Variants in RBFOX1 observed in about 807,000 individuals in gnomAD.
RBFOX1 encodes the protein RNA binding fox-1 homolog 1.
Under a neutral mutation model 57.7 loss-of-function variants are expected in RBFOX1, and 8 were observed. The observed-to-expected ratio is 0.14, with a 90% CI of 0.08 to 0.25. The LOEUF (loss-of-function observed/expected upper bound fraction) is 0.25. Among genes scored for constraint, RBFOX1 ranks in the 10% least tolerant of loss-of-function variants. RBFOX1 has a pLI of 1.00. For missense variants in RBFOX1, 611 were observed against 548.5 expected (o/e 1.11, Z -1.14); for synonymous variants, 326 against 222.4 (o/e 1.47, Z -4.15).
chr16:6,980,233 A>C (rs368576288), intron 3 of RBFOX1, among the ~76,000 whole-genome samples: 1 of 152,126 alleles, frequency 6.6e-6, no homozygotes, highest in African/African-American at 2.4e-5. Flanking sequence ...AATTACCGCA[A>C]AATTTTATTT....
At chr16:7,179,475 A>C (rs1187127107) in intron 4 of RBFOX1, among the ~76,000 whole-genome samples, 3 of 152,158 alleles carry the variant, frequency 2.0e-5, no homozygotes, top group African/African-American at 7.2e-5. Context: ...CGGTTCACCA[A>C]AATCTGTGAG....
chr16:7,016,484 C>T (rs80194823), intron 3 of RBFOX1, among the ~76,000 whole-genome samples: 2,357 of 152,272 alleles, frequency 0.015, 34 homozygotes, highest in East Asian at 0.075. Context: ...AGTCACTGAA[C>T]TGCCGTGATA....
At chr16:5,836,725 C>T (rs1045002675) in intron 3 of RBFOX1, among the ~76,000 whole-genome samples, 1 of 152,184 alleles carries the variant, frequency 6.6e-6, no homozygotes, top group African/African-American at 2.4e-5. Flanking sequence ...TCCCTGGCCT[C>T]TACCCACTAG....
intron 1 of RBFOX1, among the ~76,000 whole-genome samples, chr16:6,194,049 C>G (rs1021647054): frequency 2.0e-5 from 3 of 152,178 alleles, no homozygotes; most frequent in African/African-American, 7.2e-5. Flanking sequence ...CTAACTGCCT[C>G]TTGGATGTGT....
chr16:6,476,509 T>G (rs974334834), intron 2 of RBFOX1, among the ~76,000 whole-genome samples: 1 of 152,294 alleles, frequency 6.6e-6, no homozygotes, highest in South Asian at 2.1e-4. Context: ...GCAATAGCAT[T>G]GTATCTAAAA....
At chr16:6,181,544 A>G (rs920800517) in intron 1 of RBFOX1, among the ~76,000 whole-genome samples, 1 of 152,246 alleles carries the variant, frequency 6.6e-6, no homozygotes, top group Middle Eastern at 3.4e-3. Context: ...TTTTCACGTG[A>G]ACTTGCATCC....
intron 3 of RBFOX1, among the ~76,000 whole-genome samples, chr16:6,778,915 A>T (rs137979158): frequency 0.012 from 1,769 of 151,922 alleles, 42 homozygotes; most frequent in African/African-American, 0.04. Flanking sequence ...GTACATATTT[A>T]TGGGGACATT....
chr16:7,320,989 T>C (rs564341148), intron 4 of RBFOX1, among the ~76,000 whole-genome samples: 8 of 152,190 alleles, frequency 5.3e-5, no homozygotes, highest in African/African-American at 1.9e-4. Flanking sequence ...CTGATCAATA[T>C]GATACATTGC....
intron 2 of RBFOX1, among the ~76,000 whole-genome samples, chr16:6,352,820 G>A (rs1202491293): frequency 1.3e-5 from 2 of 152,152 alleles, no homozygotes; most frequent in African/African-American, 4.8e-5. Context: ...GGCAATCATG[G>A]TACAGTACAA....
chr16:7,611,997 A>T (rs1231668440), intron 10 of RBFOX1, among the ~76,000 whole-genome samples: 1 of 152,118 alleles, frequency 6.6e-6, no homozygotes, highest in Non-Finnish European at 1.5e-5. Flanking sequence ...TCTAAAATCT[A>T]ATCATCTCCA....
intron 2 of RBFOX1, among the ~76,000 whole-genome samples, chr16:6,548,873 G>T (rs1046807431): frequency 1.3e-5 from 2 of 151,604 alleles, no homozygotes; most frequent in Non-Finnish European, 2.9e-5. Flanking sequence ...GTCAGGAGTT[G>T]GAGACCAGCC....
At chr16:7,435,366 C>G (rs1026306669) in intron 4 of RBFOX1, among the ~76,000 whole-genome samples, 28 of 151,882 alleles carry the variant, frequency 1.8e-4, no homozygotes, top group Non-Finnish European at 3.2e-4. Context: ...CCATTTGTAT[C>G]ACACCATGTC....
intron 3 of RBFOX1, among the ~76,000 whole-genome samples, chr16:5,669,236 G>A (rs767462783): frequency 1.3e-5 from 2 of 151,968 alleles, no homozygotes; most frequent in Non-Finnish European, 1.5e-5. Flanking sequence ...TTCTGTTTTT[G>A]TTTTATTTGC....
intron 3 of RBFOX1, among the ~76,000 whole-genome samples, chr16:5,747,123 C>G (rs1334591475): frequency 6.6e-6 from 1 of 152,146 alleles, no homozygotes; most frequent in East Asian, 1.9e-4. Flanking sequence ...AAGGCCTTTT[C>G]TGCATCTATT....
intron 4 of RBFOX1, among the ~76,000 whole-genome samples, chr16:5,924,508 C>G (rs549599083): frequency 6.6e-6 from 1 of 152,018 alleles, no homozygotes; most frequent in Non-Finnish European, 1.5e-5. Context: ...AGCCTGGCAC[C>G]TTCTCCCTCT....
At chr16:5,970,229 G>T (rs2059935831) in intron 4 of RBFOX1, among the ~76,000 whole-genome samples, 1 of 152,058 alleles carries the variant, frequency 6.6e-6, no homozygotes, top group South Asian at 2.1e-4. Flanking sequence ...AAGGCACTTT[G>T]TTGTTTCTCA....
chr16:5,714,737 T>A (rs1400479323), intron 3 of RBFOX1, among the ~76,000 whole-genome samples: 2 of 152,236 alleles, frequency 1.3e-5, no homozygotes, highest in South Asian at 4.1e-4. Flanking sequence ...ATTGTAATAC[T>A]GTATTGTGCA....
At chr16:7,507,113 T>G (rs1600324559) in intron 4 of RBFOX1, among the ~76,000 whole-genome samples, 1 of 152,338 alleles carries the variant, frequency 6.6e-6, no homozygotes, top group Non-Finnish European at 1.5e-5. Flanking sequence ...GTTTCACCAT[T>G]ATGCTCTTGA....
chr16:6,623,875 T>C (rs942738108), intron 2 of RBFOX1, among the ~76,000 whole-genome samples: 5 of 152,224 alleles, frequency 3.3e-5, no homozygotes, highest in African/African-American at 1.2e-4. Flanking sequence ...TCCAAGTCTT[T>C]GCTATTGTGA....
Sources: gnomAD v4.1 joint callset for allele counts (sites outside exome capture counted in the v4.1 genomes callset) on GRCh38, gnomAD v4.1.1 for gene constraint, MANE v1.5 for transcripts, NCBI Gene and HGNC (gene_info 2026-07-23, HGNC 2026-07-21) for gene names.